The following ECI1 variants were observed in gnomAD, a reference collection of about 807,000 sequenced individuals.
ECI1 encodes enoyl-CoA delta isomerase 1.
A neutral mutation model predicts 34.2 loss-of-function variants in ECI1; 34 were observed. The observed-to-expected ratio is 1.00, with a 90% CI of 0.76 to 1.33. The LOEUF is 1.33. Among genes scored for constraint, ECI1 ranks in the 40% most tolerant of loss-of-function variants. The pLI, the probability that ECI1 is intolerant of heterozygous loss-of-function variation, is 0.00. For synonymous variants in ECI1, 211 were observed against 193.0 expected (o/e 1.09, Z -0.77); for missense variants, 456 against 422.2 (o/e 1.08, Z -0.70).
Position 2,251,579 on chromosome 16 carries a change from G to T in ECI1, c.-13C>A. ...CCACCAGCGCCATCTTGACCGCAAC[G>T]CGCGGGATAAAGGTCGCGGGCTGAG... On this transcript the variant is annotated 5_prime_UTR_variant, in exon 1 of 7. Transcript: ENST00000301729. 1 of 1,552,534 alleles carries T rather than the reference G, an allele frequency of 6.4e-7. No individual in the cohort carries two copies. The highest frequency in any genetic ancestry group is 1.4e-5 in the African/African-American group (1 of 73,286).
In ECI1 at chr16:2,244,427, C is replaced by T. The variant is rs1393067695; in HGVS notation, c.420G>A (p.Leu140=). The part of the protein sequence containing the change: ...ELWLRLYQSN[L]VLVSAINGAC... ...TCACGTTGATGGCGGAGACCAGCAC[C>T]AGGTTGGACTGGTACAACCGCAGCC... The change falls in exon 4 of 7, where the codon CTG becomes CTA. Residue 140 remains leucine (L), a synonymous_variant. Transcript: ENST00000301729. 6.2e-7 allele frequency: 1 copy of T among 1,612,536 alleles called. No homozygotes were observed. Among genetic ancestry groups the T allele is most frequent in the Non-Finnish European group, 8.5e-7 (1 of 1,179,854 alleles).
At chr16:2,244,603 G>A (rs749096740) in intron 3 of ECI1, 51 bp from the exon 4 acceptor site, 54 of 1,548,670 alleles carry the variant, frequency 3.5e-5, no homozygotes, top group Non-Finnish European at 4.6e-5. Flanking sequence ...CTCCCAGCTG[G>A]CATCACAGCA....
rs1005184539 is a variant in ECI1, at chr16:2,243,124, T to C, written c.664A>G (p.Ile222Val). 1.2e-6 allele frequency: 2 copies of C among 1,606,370 alleles called. No individual in the cohort carries two copies. The highest frequency in any genetic ancestry group is 1.3e-5 in the African/African-American group (1 of 74,946). ...TCCTCCGGGACCACCTGGTCCACTA[T>C]GCCCACCTGCAGGGCCTCCGCCGGC... is the stretch of plus-strand genomic sequence containing the variant. ...FPPAEALQVGIVDQVVPEEQV... is the reference protein window; with the variant it reads ...FPPAEALQVGVVDQVVPEEQV... The change falls in exon 6 of 7, where the codon ATA (isoleucine) becomes GTA (valine). Residue 222 changes from isoleucine (I) to valine (V), a missense_variant. Coordinates refer to ENST00000301729, the MANE Select transcript of ECI1 (RefSeq NM_001919.4).
chr16:2,239,888 G>T lies in ECI1; in HGVS notation c.*91C>A. The T allele has an allele frequency of 7.4e-7, 1 of 1,356,450 alleles. No individual in the cohort carries two copies. Among genetic ancestry groups the T allele is most frequent in the Non-Finnish European group, 1.1e-6 (1 of 947,496 alleles). The allele number at this position is 1,356,450 out of a possible 1,614,324, so 84.0% of individuals were successfully genotyped here. ...GTAACATCAGCAAAATGAAACGCTG[G>T]CAGTACTTTTAAGTTGAAAAATACC... On this transcript the variant is annotated 3_prime_UTR_variant, in exon 7 of 7. Coordinates refer to ENST00000301729, the MANE Select transcript of ECI1 (RefSeq NM_001919.4).
In ECI1 at chr16:2,251,079, T is replaced by C. The variant is rs2093552118; in HGVS notation, c.166+237A>G. 3.3e-5 allele frequency among the ~76,000 whole-genome samples: 5 copies of C among 152,334 alleles called. No homozygotes were observed. In the South Asian group the frequency reaches 6.2e-4, roughly 19 times the overall value. ...AGGTGATCCGCCCGCCTCTGCCTCT[T>C]AAAGTGCTAGGATTACAGGCGTGAG... On this transcript the variant is annotated intron_variant, in intron 2 of 6. Transcript: ENST00000301729.
In ECI1 at chr16:2,244,531, C is replaced by A; in HGVS notation, c.316G>T (p.Ala106Ser). 6.3e-7 allele frequency: 1 copy of A among 1,592,764 alleles called. No individual in the cohort carries two copies. Among genetic ancestry groups the A allele is most frequent in the Non-Finnish European group, 8.5e-7 (1 of 1,170,452 alleles). Residue 106 changes from alanine to serine, a missense_variant, in exon 4 of 7, where the codon GCC becomes TCC. By Grantham distance (99) the Ala-to-Ser change is moderately conservative (BLOSUM62 1). Transcript: ENST00000301729. ...CACATCTCCGTCAGGTCCAGGCCGG[C>A]CGAGAAGACACCCGGGCGGTCCTGC... ...LTSDRPGVFS[A>S]GLDLTEMCGR...
At chr16:2,248,129 G>A (rs536169335) in intron 2 of ECI1, among the ~76,000 whole-genome samples, 13 of 151,624 alleles carry the variant, frequency 8.6e-5, no homozygotes, top group African/African-American at 2.7e-4. Context: ...ACAGAGTCTC[G>A]CTCGTCGCCC....
chr16:2,247,788 C>G (rs1251800116), intron 2 of ECI1, among the ~76,000 whole-genome samples: 1 of 152,184 alleles, frequency 6.6e-6, no homozygotes, highest in Non-Finnish European at 1.5e-5. Context: ...GTTACTGCAG[C>G]TTTGACCTCC....
intron 6 of ECI1, 78 bp from the exon 7 acceptor site, chr16:2,240,223 A>T (rs26843): frequency 0.45 from 645,781 of 1,430,488 alleles, 124,385 homozygotes; most frequent in African/African-American, 0.51. Context: ...TTTTATTTTT[A>T]TTTTTTGAGA....
In ECI1 at chr16:2,244,439, G is replaced by C. The variant is rs140753801; in HGVS notation, c.408C>G (p.Tyr136Ter). The change falls in exon 4 of 7, where the codon TAC (tyrosine) becomes TAG (stop). Residue 136 changes from tyrosine to a stop codon, truncating the protein, a stop_gained. Coordinates refer to ENST00000301729, the MANE Select transcript of ECI1 (RefSeq NM_001919.4). LOFTEE classifies it high-confidence loss of function. ...KAVQELWLRLYQSNLVLVSAI... is the reference protein window; with the variant it reads ...KAVQELWLRL The stretch of plus-strand genomic sequence containing the variant: ...CGGAGACCAGCACCAGGTTGGACTG[G>C]TACAACCGCAGCCACAGCTCCTGAA... 242 of 1,612,204 alleles carry C rather than the reference G, an allele frequency of 1.5e-4. No individual in the cohort carries two copies. Among genetic ancestry groups the C allele is most frequent in the Non-Finnish European group, 2.0e-4 (232 of 1,179,800 alleles).
chr16:2,248,312 G>T (rs1386679804), intron 2 of ECI1, among the ~76,000 whole-genome samples: 4 of 152,012 alleles, frequency 2.6e-5, no homozygotes, highest in Non-Finnish European at 4.4e-5. Flanking sequence ...GGTTGGCCAG[G>T]ATGGTCTCGA....
chr16:2,251,443 G>T lies in ECI1; in HGVS notation c.53-14C>A, dbSNP rs1411930060. ...GGAGCCGGGCCCCTGCGAAGGCAGC[G>T]TGGGGGAGCCCGTTAGTTCCCGGTC... On this transcript the variant is annotated splice_polypyrimidine_tract_variant and intron_variant, in intron 1 of 6. Transcript: ENST00000301729. 2.0e-6 allele frequency: 3 copies of T among 1,495,300 alleles called. No homozygotes were observed. The highest frequency in any genetic ancestry group is 2.7e-6 in the Non-Finnish European group (3 of 1,123,746). 92.6% of individuals were successfully genotyped at this position (1,495,300 alleles called of 1,614,324 possible). A position where few individuals can be genotyped will look rare whatever the true frequency, so the allele number is the denominator to read the frequency against.
chr16:2,240,149 A>G lies in ECI1; in HGVS notation c.743-4T>C. The G allele has an allele frequency of 6.2e-7, 1 of 1,613,508 alleles. No homozygotes were observed. The highest frequency in any genetic ancestry group is 1.7e-4 in the Middle Eastern group (1 of 6,046). On this transcript the variant is annotated splice_region_variant and splice_polypyrimidine_tract_variant and intron_variant, in intron 6 of 6. Transcript: ENST00000301729. ...TTGGTCAGCTGTCGAGCATGGTCTAAAGAGAATGGGACGTGCCACTGAAAT... is the reference window on the plus strand; with the variant it reads ...TTGGTCAGCTGTCGAGCATGGTCTAGAGAGAATGGGACGTGCCACTGAAAT...
chr16:2,245,237 C>T (rs975702427), intron 3 of ECI1, among the ~76,000 whole-genome samples: 19 of 152,214 alleles, frequency 1.2e-4, no homozygotes, highest in South Asian at 2.1e-4. Context: ...CTGCACAACA[C>T]GGCACGTTTT....
chr16:2,247,357 A>C (rs2093542802), intron 2 of ECI1, among the ~76,000 whole-genome samples: 1 of 152,174 alleles, frequency 6.6e-6, no homozygotes, highest in Non-Finnish European at 1.5e-5. Context: ...GGCCTCCCAA[A>C]GTGCTGGGAT....
At chr16:2,240,489 G>A in intron 6 of ECI1, 2 of 301,124 alleles carry the variant, frequency 6.6e-6, no homozygotes, top group Non-Finnish European at 1.3e-5. Context: ...GGGATTCCAG[G>A]CATGAGCCAG....
chr16:2,250,886 AT>A (rs1379214370), intron 2 of ECI1, among the ~76,000 whole-genome samples: 1 of 152,004 alleles, frequency 6.6e-6, no homozygotes, highest in Non-Finnish European at 1.5e-5. Context: ...CAGTGGCACA[AT>A]CTCGGCTCAC....
intron 2 of ECI1, among the ~76,000 whole-genome samples, chr16:2,249,584 A>T (rs1255105094): frequency 1.3e-5 from 2 of 151,750 alleles, no homozygotes; most frequent in East Asian, 3.9e-4. Context: ...ATAAAAAGAC[A>T]ACGTAAGCCG....
chr16:2,239,799 C>A lies in ECI1; in HGVS notation c.*180G>T, dbSNP rs2093523394. 2.9e-6 allele frequency: 2 copies of A among 679,864 alleles called. No individual in the cohort carries two copies. The highest frequency in any genetic ancestry group is 1.7e-5 in the South Asian group (1 of 59,286). The allele number at this position is 679,864 out of a possible 1,614,324, so 42.1% of individuals were successfully genotyped here. On this transcript the variant is annotated 3_prime_UTR_variant, in exon 7 of 7. Coordinates refer to ENST00000301729, the MANE Select transcript of ECI1 (RefSeq NM_001919.4). ...TCCCCTTGCCTGACGGGCACAGGCA[C>A]CCATGTGTGTTTGTGTGTGGCTGGG...
Sources: allele counts gnomAD v4.1 joint callset (sites outside exome capture counted in the v4.1 genomes callset), GRCh38; gene constraint gnomAD v4.1.1; transcripts MANE v1.5; gene names NCBI Gene and HGNC (gene_info 2026-07-23, HGNC 2026-07-21).